Variants in PTPRJ observed in about 807,000 individuals in gnomAD.
PTPRJ encodes the protein receptor-type tyrosine-protein phosphatase eta.
PTPRJ carries 129 observed loss-of-function variants against 141.3 expected under a neutral mutation model. That is an observed-to-expected ratio of 0.91 (90% CI 0.79 to 1.06). The LOEUF is 1.06. Ranked by LOEUF, PTPRJ falls within the 50% of genes least tolerant of loss-of-function variation. The pLI is 0.00. For missense variants in PTPRJ, 1,601 were observed against 1,679.7 expected, an observed-to-expected ratio of 0.95 and a Z score of 0.82; for synonymous variants, 610 against 640.5, an observed-to-expected ratio of 0.95 and a Z score of 0.72.
At chr11:48,161,392 C>T (rs1185679081) in intron 22 of PTPRJ, among the ~76,000 whole-genome samples, 1 of 151,798 alleles carries the variant, frequency 6.6e-6, no homozygotes, top group Non-Finnish European at 1.5e-5. Flanking sequence ...GGGTTAGGGT[C>T]TAGTTTATGA....
intron 1 of PTPRJ, among the ~76,000 whole-genome samples, chr11:48,042,393 A>G (rs773071920): frequency 6.6e-6 from 1 of 152,162 alleles, no homozygotes; most frequent in Non-Finnish European, 1.5e-5. Context: ...GTTTGAACCA[A>G]TGGGCTTTTT....
chr11:47,984,570 T>C (rs1354414790), intron 1 of PTPRJ, among the ~76,000 whole-genome samples: 1 of 152,182 alleles, frequency 6.6e-6, no homozygotes, highest in Admixed American at 6.5e-5. Flanking sequence ...TGTTTGTTTT[T>C]TTTTTTGATA....
rs1177544939 is a variant in PTPRJ at position 48,168,584 on chromosome 11, A to G, written c.*1222A>G. 3 of 120,980 alleles carry G rather than the reference A, an allele frequency of 2.5e-5. No homozygotes were observed. Among genetic ancestry groups the G allele is most frequent in the Non-Finnish European group, 3.4e-5 (2 of 58,514 alleles). The allele number at this position is 120,980 out of a possible 1,614,324, so 7.5% of individuals were successfully genotyped here. On this transcript the variant is annotated 3_prime_UTR_variant, in exon 25 of 25. Transcript: ENST00000418331. ...TATATATATATATATATATATATAC[A>G]CTAAGCTCTCAAAAACAGTCATTCC...
intron 1 of PTPRJ, among the ~76,000 whole-genome samples, chr11:47,997,189 C>T (rs573752926): frequency 1.4e-3 from 212 of 152,326 alleles, no homozygotes; most frequent in Middle Eastern, 0.01. Context: ...GAGCCAGTAG[C>T]GCCCCCTCCC....
intron 1 of PTPRJ, among the ~76,000 whole-genome samples, chr11:48,023,213 C>T (rs1017247920): frequency 6.6e-6 from 1 of 152,108 alleles, no homozygotes; most frequent in African/African-American, 2.4e-5. Context: ...TCTCTGCAGC[C>T]TGAACAAAAC....
At chr11:48,137,338 G>A in intron 10 of PTPRJ, 57 bp downstream of exon 10, 1 of 1,554,144 alleles carries the variant, frequency 6.4e-7, no homozygotes, top group Admixed American at 1.8e-5. Context: ...TGACCTTGCA[G>A]GTCAGTCCTC....
In PTPRJ at chr11:48,045,461, G is replaced by A. The variant is rs544581302; in HGVS notation, c.96+64453G>A. On this transcript the variant is annotated intron_variant, in intron 1 of 24. Transcript: ENST00000418331. ...GCCACATGGAACTGAGTGGGAGAATGTCTCAATTCAGGATGGTGGGAGTGT... is the reference window on the plus strand; with the variant it reads ...GCCACATGGAACTGAGTGGGAGAATATCTCAATTCAGGATGGTGGGAGTGT... Among the ~76,000 whole-genome samples, 27 of 152,336 alleles carry A rather than the reference G, an allele frequency of 1.8e-4. No individual in the cohort carries two copies. The South Asian group carries it at 5.6e-3, about 32-fold the overall frequency.
intron 1 of PTPRJ, among the ~76,000 whole-genome samples, chr11:48,046,912 A>ATTTTTTTT (rs1217187387): frequency 1.3e-5 from 1 of 74,168 alleles, no homozygotes; most frequent in African/African-American, 7.3e-5. Context: ...ATATATATAT[A>ATTTTTTTT]TTTTTTTTTT....
rs773616848 is a variant in PTPRJ at position 48,121,075 on chromosome 11, A to G, written c.425A>G (p.Asn142Ser). Residue 142 changes from asparagine to serine, a missense_variant, in exon 4 of 25, where the codon AAT (asparagine) becomes AGT (serine). By Grantham distance (46) the Asn-to-Ser change is conservative (BLOSUM62 1). Transcript: ENST00000418331. ...AATGTGATCTTAACTTGGAAAAGTA[A>G]TGACACAGCTGCTTCTGAGTACAAG... is the stretch of plus-strand genomic sequence containing the variant. Reference protein sequence around the residue: ...PTNVILTWKSNDTAASEYKYV... With the variant: ...PTNVILTWKSSDTAASEYKYV... 3.7e-6 allele frequency: 6 copies of G among 1,613,888 alleles called. No individual in the cohort carries two copies. Among genetic ancestry groups the G allele is most frequent in the Non-Finnish European group, 5.1e-6 (6 of 1,179,872 alleles).
At chr11:48,091,799 T>G (rs1284615809) in intron 1 of PTPRJ, among the ~76,000 whole-genome samples, 2 of 152,172 alleles carry the variant, frequency 1.3e-5, no homozygotes, top group Non-Finnish European at 2.9e-5. Flanking sequence ...GACTGTTATT[T>G]CAAAGGATGG....
At chr11:48,157,549 A>T (rs1857642562) in intron 21 of PTPRJ, among the ~76,000 whole-genome samples, 1 of 152,208 alleles carries the variant, frequency 6.6e-6, no homozygotes, top group Non-Finnish European at 1.5e-5. Flanking sequence ...CGTTTCTGCC[A>T]GTTTCTGGGT....
At chr11:48,153,616 G>A (rs1857535659) in intron 18 of PTPRJ, among the ~76,000 whole-genome samples, 180 bp from the exon 19 acceptor site, 1 of 151,766 alleles carries the variant, frequency 6.6e-6, no homozygotes, top group South Asian at 2.1e-4. Context: ...CCTGAGAAAG[G>A]AACTCAGATA....
chr11:48,120,096 C>G (rs966633135), intron 3 of PTPRJ, among the ~76,000 whole-genome samples: 1 of 152,116 alleles, frequency 6.6e-6, no homozygotes, highest in Non-Finnish European at 1.5e-5. Flanking sequence ...AAATCTTGTC[C>G]CTTGTTTATC....
chr11:48,132,562 C>A (rs1857007178), intron 8 of PTPRJ: 8 of 975,870 alleles, frequency 8.2e-6, no homozygotes, highest in Non-Finnish European at 9.7e-6. Flanking sequence ...ATCTTTTATA[C>A]AGAGGGTAGA....
At chr11:48,000,585 C>T (rs1039590459) in intron 1 of PTPRJ, among the ~76,000 whole-genome samples, 7 of 152,094 alleles carry the variant, frequency 4.6e-5, no homozygotes, top group Non-Finnish European at 7.4e-5. Flanking sequence ...CCTCCCTCCC[C>T]TCCACCCTCC....
At chr11:48,084,674 T>A (rs919632637) in intron 1 of PTPRJ, among the ~76,000 whole-genome samples, 2 of 152,204 alleles carry the variant, frequency 1.3e-5, no homozygotes, top group Admixed American at 1.3e-4. Flanking sequence ...TTGGTTCATG[T>A]GAGCTCTGAA....
At chr11:48,079,017 G>A (rs1018522454) in intron 1 of PTPRJ, among the ~76,000 whole-genome samples, 1 of 152,072 alleles carries the variant, frequency 6.6e-6, no homozygotes, top group African/African-American at 2.4e-5. Context: ...TGTATGACTG[G>A]AAATGCAAAG....
Position 48,112,608 on chromosome 11 carries a change from A to T in PTPRJ, c.116-139A>T, listed in dbSNP as rs985175681. ...TTCTGAGGGGCTCATGTTGTAGGTG[A>T]TGATACAAAGAAGAGAAAGAGAGGG... On this transcript the variant is annotated intron_variant, in intron 2 of 24. Transcript: ENST00000418331. 1.6e-5 allele frequency: 11 copies of T among 679,356 alleles called. No homozygotes were observed. In the Admixed American group the frequency reaches 1.8e-4, roughly 11 times the overall value. 42.1% of individuals were successfully genotyped at this position (679,356 alleles called of 1,614,324 possible).
At chr11:48,143,146 A>T in intron 12 of PTPRJ, 96 bp downstream of exon 12, 1 of 1,467,964 alleles carries the variant, frequency 6.8e-7, no homozygotes, top group Non-Finnish European at 9.3e-7. Flanking sequence ...ATGCAGACAC[A>T]CGCCTGTCTT....
Sources: allele counts gnomAD v4.1 joint callset (sites outside exome capture counted in the v4.1 genomes callset), GRCh38; gene constraint gnomAD v4.1.1; transcripts MANE v1.5; gene names NCBI Gene and HGNC (gene_info 2026-07-23, HGNC 2026-07-21).